The following TRDN variants were observed in gnomAD, a reference collection of about 807,000 sequenced individuals.
TRDN encodes the protein triadin, also known as triadin in skeletal muscle.
TRDN carries 161 observed loss-of-function variants against 149.7 expected under a neutral mutation model. The ratio of observed to expected loss-of-function variants is 1.08; its 90% CI spans 0.95 to 1.23. TRDN has a LOEUF of 1.23. Ranked by LOEUF, TRDN falls within the 50% of genes most tolerant of loss-of-function variation. The pLI is 0.00. For missense variants in TRDN, 896 were observed against 823.5 expected (o/e 1.09, Z -1.08); for synonymous variants, 294 against 250.5 (o/e 1.17, Z -1.64).
At chr6:123,407,302 A>T (rs937115991) in intron 12 of TRDN, among the ~76,000 whole-genome samples, 1 of 152,178 alleles carries the variant, frequency 6.6e-6, no homozygotes, top group African/African-American at 2.4e-5. Flanking sequence ...CTCTGTGCAT[A>T]CAGAAACAGA....
intron 12 of TRDN, among the ~76,000 whole-genome samples, chr6:123,407,202 C>G (rs1773229834): frequency 6.6e-5 from 10 of 152,158 alleles, no homozygotes; most frequent in Admixed American, 6.5e-4. Context: ...AGAAGCAAGT[C>G]TACAGAGTGG....
At chr6:123,412,301 C>T (rs1397475517) in intron 12 of TRDN, among the ~76,000 whole-genome samples, 2 of 152,166 alleles carry the variant, frequency 1.3e-5, no homozygotes, top group East Asian at 1.9e-4. Flanking sequence ...TTAGGCAGTG[C>T]TGTCCAATAT....
chr6:123,618,102 C>T (rs9375278), intron 1 of TRDN, among the ~76,000 whole-genome samples: 51,677 of 151,922 alleles, frequency 0.34, 8,989 homozygotes, highest in East Asian at 0.44. Flanking sequence ...ATTTGTCTTC[C>T]AGTGAGTAAG....
At chr6:123,278,440 C>A in intron 25 of TRDN, 93 bp from the exon 26 acceptor site, 1 of 799,822 alleles carries the variant, frequency 1.3e-6, no homozygotes, top group East Asian at 4.8e-5. Context: ...TAATTATTTT[C>A]TATGTTATTC....
intron 24 of TRDN, among the ~76,000 whole-genome samples, chr6:123,291,863 G>C (rs958207127): frequency 6.6e-6 from 1 of 152,038 alleles, no homozygotes; most frequent in Non-Finnish European, 1.5e-5. Flanking sequence ...CTCTCCTTCA[G>C]CTTTTTTGTC....
chr6:123,610,024 G>A (rs1784721949), intron 1 of TRDN, among the ~76,000 whole-genome samples: 1 of 152,102 alleles, frequency 6.6e-6, no homozygotes, highest in South Asian at 2.1e-4. Context: ...TACAACTGGA[G>A]AATAATTTTA....
intron 24 of TRDN, among the ~76,000 whole-genome samples, chr6:123,301,772 T>TATATATATATATATAC (rs1778432174): frequency 1.6e-5 from 2 of 124,874 alleles, no homozygotes; most frequent in African/African-American, 5.9e-5. Flanking sequence ...TATATATACA[T>TATATATATATATATAC]ATATATATAT....
chr6:123,505,902 C>A (rs1778902373), intron 7 of TRDN, among the ~76,000 whole-genome samples: 1 of 151,848 alleles, frequency 6.6e-6, no homozygotes, highest in Non-Finnish European at 1.5e-5. Context: ...TTTCACATGT[C>A]CATAAACTTT....
At chr6:123,533,351 G>A (rs1021227567) in intron 4 of TRDN, among the ~76,000 whole-genome samples, 1 of 152,048 alleles carries the variant, frequency 6.6e-6, no homozygotes, top group Non-Finnish European at 1.5e-5. Flanking sequence ...AGCTCACACG[G>A]GAGAATAAGA....
At chr6:123,241,007 A>G (rs2114544029) in intron 38 of TRDN, among the ~76,000 whole-genome samples, 1 of 152,034 alleles carries the variant, frequency 6.6e-6, no homozygotes, top group Non-Finnish European at 1.5e-5. Context: ...CATAAAATGA[A>G]GTATATTCTG....
intron 24 of TRDN, among the ~76,000 whole-genome samples, chr6:123,287,502 A>G (rs1777842703): frequency 6.6e-6 from 1 of 152,166 alleles, no homozygotes; most frequent in Admixed American, 6.6e-5. Context: ...GCTTTTTTTA[A>G]GAGCATTCAT....
intron 12 of TRDN, among the ~76,000 whole-genome samples, chr6:123,420,391 T>TAAA (rs5879679): frequency 0.31 from 46,909 of 150,988 alleles, 7,429 homozygotes; most frequent in Middle Eastern, 0.39. Flanking sequence ...AGGATTTTTT[T>TAAA]AAAAAAAAAA....
At chr6:123,510,635 A>G (rs1779127230) in intron 7 of TRDN, among the ~76,000 whole-genome samples, 1 of 131,528 alleles carries the variant, frequency 7.6e-6, no homozygotes, top group African/African-American at 2.8e-5. Flanking sequence ...AGATTTATGC[A>G]TGACCACTTT....
chr6:123,609,065 T>C (rs1034339055), intron 1 of TRDN, among the ~76,000 whole-genome samples: 1 of 151,742 alleles, frequency 6.6e-6, no homozygotes, highest in African/African-American at 2.4e-5. Context: ...CCCAGCTACT[T>C]GAGAGTCTGA....
At chr6:123,324,128 C>T (rs1269029836) in intron 23 of TRDN, among the ~76,000 whole-genome samples, 1 of 152,118 alleles carries the variant, frequency 6.6e-6, no homozygotes, top group Non-Finnish European at 1.5e-5. Flanking sequence ...CTTAGTTTTC[C>T]TTTACTGAGG....
At chr6:123,566,142 A>G (rs1782284072) in intron 2 of TRDN, among the ~76,000 whole-genome samples, 1 of 152,260 alleles carries the variant, frequency 6.6e-6, no homozygotes, top group Non-Finnish European at 1.5e-5. Context: ...TGGATGTTAC[A>G]TTAAGTAAGA....
chr6:123,401,911 C>T (rs1027356769), intron 12 of TRDN, among the ~76,000 whole-genome samples: 2 of 149,394 alleles, frequency 1.3e-5, no homozygotes, highest in Non-Finnish European at 3.0e-5. Flanking sequence ...CACGCCACTG[C>T]ACTCCAGCCT....
intron 7 of TRDN, among the ~76,000 whole-genome samples, chr6:123,511,057 T>A (rs913541283): frequency 6.6e-6 from 1 of 152,216 alleles, no homozygotes; most frequent in African/African-American, 2.4e-5. Flanking sequence ...TCTTTGTCCA[T>A]ACCAATGTCC....
chr6:123,516,363 GATA>G (rs904550052), intron 5 of TRDN, among the ~76,000 whole-genome samples, 157 bp from the exon 6 acceptor site: 1 of 152,028 alleles, frequency 6.6e-6, no homozygotes, highest in African/African-American at 2.4e-5. Flanking sequence ...TAAACTTCAA[GATA>G]ATTACAGATT....
Sources: gnomAD v4.1 joint callset for allele counts (sites outside exome capture counted in the v4.1 genomes callset) on GRCh38, gnomAD v4.1.1 for gene constraint, MANE v1.5 for transcripts, NCBI Gene and HGNC (gene_info 2026-07-23, HGNC 2026-07-21) for gene names.